The following GLIS3 variants were observed in gnomAD, a reference collection of about 807,000 sequenced individuals.
GLIS3 encodes the protein zinc finger protein GLIS3.
A neutral mutation model predicts 78.6 loss-of-function variants in GLIS3; 53 were observed. That is an observed-to-expected ratio of 0.67 (90% CI 0.54 to 0.85). GLIS3 has a LOEUF of 0.85. GLIS3 is among the 40% of genes least tolerant of loss of function. GLIS3 has a pLI of 0.00. For missense variants in GLIS3, 1,703 were observed against 1,231.1 expected, an observed-to-expected ratio of 1.38 and a Z score of -5.74; for synonymous variants, 684 against 509.9, an observed-to-expected ratio of 1.34 and a Z score of -4.60.
At chr9:4,306,099 A>C (rs1220097611) in intron 4 of GLIS3, 2 of 152,120 alleles carry the variant, frequency 1.3e-5, no homozygotes, top group African/African-American at 4.8e-5. Context: ...TTTTGTTTCT[A>C]AATAGGATCT....
chr9:3,969,885 G>A (rs895871121), intron 4 of GLIS3, among the ~76,000 whole-genome samples: 2 of 152,200 alleles, frequency 1.3e-5, no homozygotes, highest in South Asian at 2.1e-4. Flanking sequence ...TTTCAGGGAA[G>A]GAAGCTAGGT....
At chr9:3,876,352 T>G (rs1169074240) in intron 8 of GLIS3, among the ~76,000 whole-genome samples, 1 of 151,842 alleles carries the variant, frequency 6.6e-6, no homozygotes, top group Non-Finnish European at 1.5e-5. Flanking sequence ...GAGATCCCTA[T>G]TAGATCCCTG....
At chr9:3,998,992 T>C (rs1177911887) in intron 4 of GLIS3, among the ~76,000 whole-genome samples, 2 of 151,924 alleles carry the variant, frequency 1.3e-5, no homozygotes, top group African/African-American at 4.8e-5. Context: ...CATGCATACA[T>C]AAAGTTACTT....
chr9:4,241,675 T>A (rs896978843), intron 2 of GLIS3, among the ~76,000 whole-genome samples: 2 of 148,354 alleles, frequency 1.3e-5, no homozygotes, highest in African/African-American at 5.0e-5. Context: ...GCTTTTTTTG[T>A]TTTTTGTTTT....
chr9:4,324,992 TCAA>T (rs1391949698), intron 2 of GLIS3, among the ~76,000 whole-genome samples: 1 of 152,180 alleles, frequency 6.6e-6, no homozygotes, highest in Non-Finnish European at 1.5e-5. Context: ...CATTTAATCC[TCAA>T]CAACGGCCTG....
intron 2 of GLIS3, among the ~76,000 whole-genome samples, chr9:4,227,292 T>A (rs2131351511): frequency 8.1e-6 from 1 of 123,128 alleles, no homozygotes; most frequent in South Asian, 2.8e-4. Context: ...TGGTTCTGGG[T>A]CACGTTATGT....
At chr9:4,467,130 C>G in the GLIS3 span, among the ~76,000 whole-genome samples, 2 of 152,218 alleles carry the variant, frequency 1.3e-5, no homozygotes, top group Non-Finnish European at 2.9e-5. Context: ...ACAAAGTGGA[C>G]AGGAAGCTCA....
At chr9:4,395,528 C>T in the GLIS3 span, among the ~76,000 whole-genome samples, 1 of 152,162 alleles carries the variant, frequency 6.6e-6, no homozygotes, top group African/African-American at 2.4e-5. Context: ...TCTCCTGCAA[C>T]TCCTGAGTCA....
intron 6 of GLIS3, among the ~76,000 whole-genome samples, chr9:3,908,718 T>TTC (rs1297981192): frequency 6.9e-6 from 1 of 145,326 alleles, no homozygotes; most frequent in African/African-American, 2.6e-5. Context: ...TTTTTTTTTT[T>TTC]TTTTTTTTTT....
intron 8 of GLIS3, among the ~76,000 whole-genome samples, chr9:3,862,725 G>T (rs946549966): frequency 1.3e-5 from 2 of 152,002 alleles, no homozygotes; most frequent in African/African-American, 2.4e-5. Flanking sequence ...ATTAAAAGGC[G>T]GTATGTGTTC....
chr9:4,247,706 C>G (rs1823928997), intron 2 of GLIS3, among the ~76,000 whole-genome samples: 1 of 152,092 alleles, frequency 6.6e-6, no homozygotes, highest in African/African-American at 2.4e-5. Flanking sequence ...GCTATTATTA[C>G]TTGTAGATTA....
At chr9:4,093,916 G>A (rs2130767915) in intron 4 of GLIS3, among the ~76,000 whole-genome samples, 1 of 152,306 alleles carries the variant, frequency 6.6e-6, no homozygotes, top group Non-Finnish European at 1.5e-5. Flanking sequence ...CCTCATCTCA[G>A]AAACTGTGGA....
chr9:4,248,346 T>G (rs1563827391), intron 2 of GLIS3, among the ~76,000 whole-genome samples: 1 of 152,330 alleles, frequency 6.6e-6, no homozygotes, highest in East Asian at 1.9e-4. Flanking sequence ...GTATTGGGTT[T>G]TCTTTTCCTG....
chr9:4,008,120 T>G (rs1030031852), intron 4 of GLIS3, among the ~76,000 whole-genome samples: 2 of 152,186 alleles, frequency 1.3e-5, no homozygotes, highest in Non-Finnish European at 2.9e-5. Flanking sequence ...CCTGAAATAT[T>G]TGTTGACCAT....
At chr9:4,096,325 G>A (rs1333430844) in intron 4 of GLIS3, among the ~76,000 whole-genome samples, 1 of 152,168 alleles carries the variant, frequency 6.6e-6, no homozygotes, top group Non-Finnish European at 1.5e-5. Flanking sequence ...AGGACATACA[G>A]TGAATCACTC....
At chr9:4,103,561 T>A (rs1179016757) in intron 4 of GLIS3, among the ~76,000 whole-genome samples, 1 of 152,182 alleles carries the variant, frequency 6.6e-6, no homozygotes, top group Admixed American at 6.6e-5. Flanking sequence ...CAACACACAA[T>A]GACCAAGAAG....
intron 2 of GLIS3, among the ~76,000 whole-genome samples, chr9:4,187,177 G>C (rs879322650): frequency 6.6e-6 from 1 of 152,174 alleles, no homozygotes; most frequent in African/African-American, 2.4e-5. Flanking sequence ...TTTGTGTAAG[G>C]TGTAAGGAAG....
chr9:4,401,770 A>G, the GLIS3 span, among the ~76,000 whole-genome samples: 4 of 149,282 alleles, frequency 2.7e-5, no homozygotes, highest in East Asian at 4.0e-4. Flanking sequence ...TTTTTTTTTC[A>G]TATTTTTAAC....
chr9:4,364,710 T>TTA, the GLIS3 span, among the ~76,000 whole-genome samples: 62,106 of 133,980 alleles, frequency 0.46, 15,148 homozygotes, highest in Middle Eastern at 0.74. Context: ...TTATTACACT[T>TTA]TATATATATA....
Sources: allele counts gnomAD v4.1 joint callset (sites outside exome capture counted in the v4.1 genomes callset), GRCh38; gene constraint gnomAD v4.1.1; transcripts MANE v1.5; gene names NCBI Gene and HGNC (gene_info 2026-07-23, HGNC 2026-07-21).